ERBB4: variants seen among roughly 807,000 people sequenced by gnomAD.
ERBB4 encodes the protein erb-b2 receptor tyrosine kinase 4.
In ERBB4, 42 loss-of-function variants were observed where a neutral mutation model predicts 158.0. The observed-to-expected ratio is 0.27, with a 90% CI of 0.21 to 0.34. The LOEUF is 0.34. Ranked by LOEUF, ERBB4 falls within the 10% of genes least tolerant of loss-of-function variation. The probability of loss-of-function intolerance (pLI) is 1.00; values close to 1 mark genes in which losing one functional copy is unlikely to be tolerated. For missense variants in ERBB4, 1,333 were observed against 1,624.1 expected (o/e 0.82, Z 3.08); for synonymous variants, 583 against 558.7 (o/e 1.04, Z -0.61).
At chr2:212,450,834 A>AC (rs1199953187) in intron 1 of ERBB4, among the ~76,000 whole-genome samples, 2 of 151,670 alleles carry the variant, frequency 1.3e-5, no homozygotes, top group Non-Finnish European at 2.9e-5. Context: ...AAAAAAAAAA[A>AC]AAAAAACAAG....
At chr2:212,311,561 A>C (rs2087045824) in intron 1 of ERBB4, among the ~76,000 whole-genome samples, 1 of 150,896 alleles carries the variant, frequency 6.6e-6, no homozygotes, top group Non-Finnish European at 1.5e-5. Flanking sequence ...GATAAAATGA[A>C]TTTGTTTCTT....
intron 20 of ERBB4, among the ~76,000 whole-genome samples, chr2:211,458,557 G>A (rs35420885): frequency 0.016 from 2,454 of 152,158 alleles, 26 homozygotes; most frequent in Non-Finnish European, 0.024. Context: ...GATCCACCAC[G>A]CCTGGCCAAC....
chr2:212,461,656 G>T (rs1050908293), intron 1 of ERBB4, among the ~76,000 whole-genome samples: 2 of 152,094 alleles, frequency 1.3e-5, no homozygotes, highest in Non-Finnish European at 1.5e-5. Context: ...GGGACTGTTG[G>T]GGAGGCATAA....
chr2:211,979,347 T>C (rs1184519203), intron 2 of ERBB4, among the ~76,000 whole-genome samples: 3 of 152,190 alleles, frequency 2.0e-5, no homozygotes, highest in Non-Finnish European at 2.9e-5. Flanking sequence ...CCTATAGCAA[T>C]TTGTATATCA....
In ERBB4 at chr2:211,377,283, C is replaced by T. The variant is rs977305258; in HGVS notation, c.*6332G>A. 1 of 232,986 alleles carries T rather than the reference C, an allele frequency of 4.3e-6. No homozygotes were observed. Among genetic ancestry groups the T allele is most frequent in the African/African-American group, 2.2e-5 (1 of 45,264 alleles). The allele number at this position is 232,986 out of a possible 1,614,324, so 14.4% of individuals were successfully genotyped here. A position where few individuals can be genotyped will look rare whatever the true frequency, so the allele number is the denominator to read the frequency against. On this transcript the variant is annotated 3_prime_UTR_variant, in exon 28 of 28. Transcript: ENST00000342788. The stretch of plus-strand genomic sequence containing the variant: ...TGCTTTCCTTCACAAAGGCTATAGG[C>T]CTGGGGGAAATATCTACGCATTGGG...
intron 3 of ERBB4, among the ~76,000 whole-genome samples, chr2:211,861,975 T>C (rs1334664743): frequency 6.6e-6 from 1 of 152,226 alleles, no homozygotes; most frequent in African/African-American, 2.4e-5. Flanking sequence ...AAGGACAATT[T>C]CTTTTCTTTT....
chr2:211,881,347 G>T (rs1016534693), intron 3 of ERBB4, among the ~76,000 whole-genome samples: 1 of 152,092 alleles, frequency 6.6e-6, no homozygotes, highest in African/African-American at 2.4e-5. Context: ...AGCAGTCCAA[G>T]AAATTATTTT....
At chr2:212,164,222 G>A (rs111695842) in intron 1 of ERBB4, among the ~76,000 whole-genome samples, 150 of 151,946 alleles carry the variant, frequency 9.9e-4, no homozygotes, top group Non-Finnish European at 1.8e-3. Context: ...TTTGACATAT[G>A]GCTAGTCTGA....
intron 20 of ERBB4, among the ~76,000 whole-genome samples, chr2:211,489,387 T>G (rs2065282528): frequency 6.6e-6 from 1 of 152,006 alleles, no homozygotes; most frequent in African/African-American, 2.4e-5. Flanking sequence ...TTAGGCGGCT[T>G]CCTCAATTGC....
intron 3 of ERBB4, among the ~76,000 whole-genome samples, chr2:211,878,208 T>C (rs146652758): frequency 3.2e-4 from 48 of 152,350 alleles, no homozygotes; most frequent in African/African-American, 9.1e-4. Flanking sequence ...ATTTATCTTA[T>C]AATTTAAAAC....
intron 2 of ERBB4, among the ~76,000 whole-genome samples, chr2:211,970,138 T>G (rs1371474039): frequency 6.6e-6 from 1 of 152,064 alleles, no homozygotes; most frequent in Non-Finnish European, 1.5e-5. Flanking sequence ...TCTGCATAAT[T>G]TTATTGTTTA....
chr2:212,476,746 T>C (rs1020588018), intron 1 of ERBB4, among the ~76,000 whole-genome samples: 2 of 152,134 alleles, frequency 1.3e-5, no homozygotes, highest in Non-Finnish European at 2.9e-5. Context: ...GTTTTATAAC[T>C]ATGCAACTGG....
chr2:212,472,596 A>G (rs1430330640), intron 1 of ERBB4, among the ~76,000 whole-genome samples: 1 of 151,868 alleles, frequency 6.6e-6, no homozygotes, highest in Admixed American at 6.6e-5. Flanking sequence ...TAGAAAGTAT[A>G]TAATTGGAAA....
intron 1 of ERBB4, among the ~76,000 whole-genome samples, chr2:212,313,092 C>A (rs12475215): frequency 0.82 from 122,951 of 150,642 alleles, 51,250 homozygotes; most frequent in Non-Finnish European, 0.9. Context: ...ATTAATGAAA[C>A]CGTATTAAGG....
intron 20 of ERBB4, among the ~76,000 whole-genome samples, chr2:211,479,410 A>T (rs10195573): frequency 0.27 from 41,223 of 152,048 alleles, 7,028 homozygotes; most frequent in Non-Finnish European, 0.36. Flanking sequence ...TCATTCTTAT[A>T]ATACTTAGGA....
chr2:211,606,589 T>G (rs2068985819), intron 19 of ERBB4, among the ~76,000 whole-genome samples: 1 of 152,120 alleles, frequency 6.6e-6, no homozygotes, highest in Non-Finnish European at 1.5e-5. Flanking sequence ...ATGGTCACTA[T>G]ATGTGAGATA....
At chr2:211,696,927 C>A (rs12473455) in intron 12 of ERBB4, among the ~76,000 whole-genome samples, 76,430 of 151,942 alleles carry the variant, frequency 0.5, 19,944 homozygotes, top group Non-Finnish European at 0.57. Context: ...ACCTCTGCCT[C>A]CCAAAGTGCT....
chr2:212,277,652 A>G (rs1240083390), intron 1 of ERBB4, among the ~76,000 whole-genome samples: 1 of 151,730 alleles, frequency 6.6e-6, no homozygotes, highest in Non-Finnish European at 1.5e-5. Flanking sequence ...CACCTCATCA[A>G]AAAGACTTAC....
intron 1 of ERBB4, among the ~76,000 whole-genome samples, chr2:212,186,048 C>T (rs963713898): frequency 6.6e-6 from 1 of 152,082 alleles, no homozygotes; most frequent in Admixed American, 6.6e-5. Context: ...ACAAGAAATA[C>T]ATTGTTTTTA....
Sources: gnomAD v4.1 joint callset for allele counts (sites outside exome capture counted in the v4.1 genomes callset) on GRCh38, gnomAD v4.1.1 for gene constraint, MANE v1.5 for transcripts, NCBI Gene and HGNC (gene_info 2026-07-23, HGNC 2026-07-21) for gene names.